NAV2: variants seen among roughly 807,000 people sequenced by gnomAD.
NAV2 encodes neuron navigator 2.
NAV2 carries 54 observed loss-of-function variants against 223.2 expected under a neutral mutation model. The observed-to-expected ratio is 0.24, with a 90% confidence interval of 0.19 to 0.30. NAV2 has a LOEUF of 0.30. NAV2 is among the 10% of genes least tolerant of loss of function. The probability of loss-of-function intolerance (pLI) is 1.00; values close to 1 mark genes in which losing one functional copy is unlikely to be tolerated. For missense variants in NAV2, 2,806 were observed against 3,147.5 expected, an observed-to-expected ratio of 0.89 and a Z score of 2.60; for synonymous variants, 1,279 against 1,239.3, an observed-to-expected ratio of 1.03 and a Z score of -0.67.
At chr11:20,109,601 G>A (rs1223080266) in intron 36 of NAV2, among the ~76,000 whole-genome samples, 1 of 152,188 alleles carries the variant, frequency 6.6e-6, no homozygotes, top group Non-Finnish European at 1.5e-5. Context: ...TCTCTCCTCT[G>A]TTCTCATTGA....
intron 10 of NAV2, among the ~76,000 whole-genome samples, chr11:19,980,244 C>T (rs534944915): frequency 3.3e-5 from 5 of 152,118 alleles, no homozygotes; most frequent in Non-Finnish European, 4.4e-5. Context: ...AAGGTGGATG[C>T]GGAGAGCCGC....
At chr11:19,820,635 A>G (rs1231425177) in intron 1 of NAV2, among the ~76,000 whole-genome samples, 1 of 152,222 alleles carries the variant, frequency 6.6e-6, no homozygotes, top group African/African-American at 2.4e-5. Context: ...AGCTTGAGTC[A>G]GAGGGAGCTT....
intron 1 of NAV2, among the ~76,000 whole-genome samples, chr11:19,760,574 G>T (rs2054650899): frequency 6.6e-6 from 1 of 152,158 alleles, no homozygotes; most frequent in African/African-American, 2.4e-5. Flanking sequence ...GGGCTTGGCT[G>T]GGTCTTACTA....
At chr11:19,964,451 G>T (rs1466462125) in intron 10 of NAV2, among the ~76,000 whole-genome samples, 3 of 151,562 alleles carry the variant, frequency 2.0e-5, no homozygotes, top group Non-Finnish European at 4.4e-5. Flanking sequence ...ACTTTTAAAT[G>T]CCAGGCACTG....
At chr11:19,621,951 TTG>T (rs2047011669) in intron 1 of NAV2, among the ~76,000 whole-genome samples, 1 of 152,238 alleles carries the variant, frequency 6.6e-6, no homozygotes, top group African/African-American at 2.4e-5. Context: ...TTCTGGTATG[TTG>T]TGTCTTTGTT....
chr11:19,485,793 G>A (rs1385054461), intron 1 of NAV2, among the ~76,000 whole-genome samples: 2 of 152,012 alleles, frequency 1.3e-5, no homozygotes, highest in African/African-American at 4.8e-5. Context: ...GGATGGATCC[G>A]AGTTACAGGG....
At chr11:19,762,549 G>A (rs1431764771) in intron 1 of NAV2, among the ~76,000 whole-genome samples, 2 of 151,670 alleles carry the variant, frequency 1.3e-5, no homozygotes, top group African/African-American at 2.4e-5. Context: ...TCTCCTCCAT[G>A]AGCCTTGGCC....
Position 19,948,894 on chromosome 11 carries a change from G to A in NAV2, c.2459G>A (p.Arg820His), listed in dbSNP as rs370611111. The A allele has an allele frequency of 1.2e-5, 19 of 1,614,056 alleles. No homozygotes were observed. The highest frequency in any genetic ancestry group is 8.3e-5 in the Admixed American group (5 of 60,012). The part of the protein sequence containing the change: ...ASRFINTESG[R>H]YVYSAPLRRQ... ...AGGTTCATCAACACTGAGTCAGGTCGCTATGTGTACTCCGCCCCTCTGAGA... is the reference window on the plus strand; with the variant it reads ...AGGTTCATCAACACTGAGTCAGGTCACTATGTGTACTCCGCCCCTCTGAGA... Residue 820 changes from arginine (R) to histidine (H), a missense_variant, in exon 10 of 38, where the codon CGC (arginine) becomes CAC (histidine). Around this residue, in one of 4 missense-constraint regions of NAV2, gnomAD observed 1,167 missense variants for 1,180.5 expected, o/e 0.99. Transcript: ENST00000349880.
chr11:19,602,810 C>CA (rs1393610046), intron 1 of NAV2, among the ~76,000 whole-genome samples: 4 of 144,186 alleles, frequency 2.8e-5, no homozygotes, highest in Non-Finnish European at 6.0e-5. Context: ...ATTTAGGGGC[C>CA]ACCCTAATCT....
intron 1 of NAV2, among the ~76,000 whole-genome samples, chr11:19,375,894 A>C (rs772817385): frequency 2.6e-5 from 4 of 152,200 alleles, no homozygotes; most frequent in Non-Finnish European, 5.9e-5. Flanking sequence ...TTTATTAAAA[A>C]CACAAATATC....
chr11:19,589,904 C>T (rs1182538331), intron 1 of NAV2, among the ~76,000 whole-genome samples: 2 of 152,174 alleles, frequency 1.3e-5, no homozygotes, highest in Non-Finnish European at 2.9e-5. Flanking sequence ...TCCAAGAGGG[C>T]ACAGGAGGCG....
chr11:19,635,999 G>A (rs552912078), intron 1 of NAV2, among the ~76,000 whole-genome samples: 11 of 152,266 alleles, frequency 7.2e-5, no homozygotes, highest in African/African-American at 2.4e-4. Flanking sequence ...TAGCTTTTAG[G>A]TCCATGTCTA....
intron 1 of NAV2, among the ~76,000 whole-genome samples, chr11:19,427,443 C>CTAGT (rs1409815114): frequency 3.9e-5 from 6 of 152,120 alleles, no homozygotes; most frequent in African/African-American, 1.4e-4. Flanking sequence ...GAACCTTTGC[C>CTAGT]TAGTTATAGG....
At chr11:19,858,492 TC>T (rs1157577838) in intron 3 of NAV2, among the ~76,000 whole-genome samples, 1 of 152,234 alleles carries the variant, frequency 6.6e-6, no homozygotes, top group African/African-American at 2.4e-5. Context: ...TATTTTCATA[TC>T]CTGGTAATTG....
At chr11:19,786,053 A>T (rs898031833) in intron 1 of NAV2, among the ~76,000 whole-genome samples, 2 of 152,220 alleles carry the variant, frequency 1.3e-5, no homozygotes, top group Non-Finnish European at 2.9e-5. Context: ...AAAAAAGAAA[A>T]AAAGGGCAAA....
At chr11:19,741,258 T>A (rs2152457634) in intron 1 of NAV2, among the ~76,000 whole-genome samples, 1 of 152,300 alleles carries the variant, frequency 6.6e-6, no homozygotes, top group South Asian at 2.1e-4. Context: ...TAAGTATCTT[T>A]ATGTGTGTGG....
intron 1 of NAV2, among the ~76,000 whole-genome samples, chr11:19,597,255 A>G (rs2135203934): frequency 6.6e-6 from 1 of 152,346 alleles, no homozygotes; most frequent in Non-Finnish European, 1.5e-5. Flanking sequence ...AACACATAAG[A>G]AGTGCTCAAT....
At chr11:19,377,742 G>A (rs528046842) in intron 1 of NAV2, among the ~76,000 whole-genome samples, 1 of 152,298 alleles carries the variant, frequency 6.6e-6, no homozygotes, top group South Asian at 2.1e-4. Context: ...GCCCTGGGAG[G>A]TTAGAATATG....
intron 1 of NAV2, among the ~76,000 whole-genome samples, chr11:19,687,525 C>T (rs550343008): frequency 8.1e-4 from 123 of 152,324 alleles, no homozygotes; most frequent in African/African-American, 2.9e-3. Flanking sequence ...TAATCATTAT[C>T]TCCCAGGTCC....
Sources: allele counts gnomAD v4.1 joint callset (sites outside exome capture counted in the v4.1 genomes callset), GRCh38; gene constraint gnomAD v4.1.1; regional missense constraint gnomAD v4.1.1; transcripts MANE v1.5; gene names NCBI Gene and HGNC (gene_info 2026-07-23, HGNC 2026-07-21).